Variants in REEP3 observed in about 807,000 individuals in gnomAD.
The protein encoded by REEP3 is receptor expression-enhancing protein 3.
Under a neutral mutation model 41.3 loss-of-function variants are expected in REEP3, and 20 were observed. The ratio of observed to expected loss-of-function variants is 0.48; its 90% CI spans 0.34 to 0.70. The LOEUF (loss-of-function observed/expected upper bound fraction) is 0.70. REEP3 is among the 30% of genes least tolerant of loss of function. REEP3 has a pLI of 0.01. For synonymous variants in REEP3, 104 were observed against 101.8 expected (o/e 1.02, Z -0.13); for missense variants, 271 against 308.8 (o/e 0.88, Z 0.92).
intron 2 of REEP3, among the ~76,000 whole-genome samples, chr10:63,578,290 G>A (rs542338331): frequency 5.9e-5 from 9 of 151,942 alleles, no homozygotes; most frequent in Admixed American, 2.6e-4. Flanking sequence ...AGTAGAGACG[G>A]GGTTTCACCA....
At chr10:63,531,229 T>G (rs2133340619) in intron 1 of REEP3, among the ~76,000 whole-genome samples, 1 of 152,362 alleles carries the variant, frequency 6.6e-6, no homozygotes, top group East Asian at 1.9e-4. Flanking sequence ...GAATGTTATA[T>G]AGCCATTCAT....
Position 63,623,948 on chromosome 10 carries a change from T to C in REEP3, c.*3079T>C, listed in dbSNP as rs1242940321. On this transcript the variant is annotated 3_prime_UTR_variant, in exon 8 of 8. Coordinates refer to ENST00000373758, the MANE Select transcript of REEP3 (RefSeq NM_001001330.3). ...TACAGTGTTATAAAGTATATAAATA[T>C]TCCAAATTTCTGTGGTTAAATATTT... 1 of 153,222 alleles carries C rather than the reference T, an allele frequency of 6.5e-6. No individual in the cohort carries two copies. Among genetic ancestry groups the C allele is most frequent in the African/African-American group, 2.4e-5 (1 of 41,490 alleles). 9.5% of individuals were successfully genotyped at this position (153,222 alleles called of 1,614,324 possible). A position where few individuals can be genotyped will look rare whatever the true frequency, so the allele number is the denominator to read the frequency against.
At chr10:63,521,853 G>T in intron 1 of REEP3, 1 of 116,936 alleles carries the variant, frequency 8.6e-6, no homozygotes. Context: ...GTGCGGCGCG[G>T]CGCCCCTGCT....
At chr10:63,529,143 C>A (rs1305614915) in intron 1 of REEP3, among the ~76,000 whole-genome samples, 1 of 152,182 alleles carries the variant, frequency 6.6e-6, no homozygotes, top group Non-Finnish European at 1.5e-5. Context: ...TCCTCCAGAG[C>A]TTATTTCACA....
chr10:63,549,261 G>C (rs1333660729), intron 1 of REEP3, among the ~76,000 whole-genome samples: 1 of 152,224 alleles, frequency 6.6e-6, no homozygotes, highest in Non-Finnish European at 1.5e-5. Flanking sequence ...GAGGTGTGGA[G>C]TGGGGAGAGA....
chr10:63,589,747 G>C (rs990934394), intron 2 of REEP3, among the ~76,000 whole-genome samples: 5 of 149,030 alleles, frequency 3.4e-5, no homozygotes, highest in Non-Finnish European at 7.4e-5. Flanking sequence ...CCCATACTGG[G>C]AGCTAGGACG....
chr10:63,620,785 C>T, intron 7 of REEP3, 28 bp from the exon 8 acceptor site: 1 of 1,485,356 alleles, frequency 6.7e-7, no homozygotes, highest in Non-Finnish European at 9.2e-7. Flanking sequence ...TCATCTAATT[C>T]TTAATAATAA....
chr10:63,522,243 G>C (rs1220128559), intron 1 of REEP3, among the ~76,000 whole-genome samples: 1 of 151,560 alleles, frequency 6.6e-6, no homozygotes, highest in African/African-American at 2.4e-5. Context: ...TGCTCGCCCA[G>C]ATCCCCGAAT....
At chr10:63,568,324 T>A in intron 2 of REEP3, among the ~76,000 whole-genome samples, 1 of 151,262 alleles carries the variant, frequency 6.6e-6, no homozygotes, top group South Asian at 2.1e-4. Flanking sequence ...CGGAGTGCAC[T>A]GGCGCGATCT....
rs1408195823 is a variant in REEP3 at position 63,556,630 on chromosome 10, T to G, written c.33-9708T>G. On this transcript the variant is annotated intron_variant, in intron 1 of 7. Coordinates refer to ENST00000373758, the MANE Select transcript of REEP3 (RefSeq NM_001001330.3). ...TGTTTGCTTGTTTTTTTTTTTGTTG[T>G]TTTGTTTTTTTTTTTTTTTTTTTGA... Among the ~76,000 whole-genome samples the G allele has an allele frequency of 3.8e-4, 13 of 34,434 alleles. 1 individual carries two copies. Among genetic ancestry groups the G allele is most frequent in the African/African-American group, 1.1e-3 (12 of 11,384 alleles). 22.6% of individuals were successfully genotyped at this position (34,434 alleles called of 152,430 possible). A position where few individuals can be genotyped will look rare whatever the true frequency, so the allele number is the denominator to read the frequency against.
At chr10:63,601,027 G>A (rs918607055) in intron 5 of REEP3, among the ~76,000 whole-genome samples, 5 of 151,836 alleles carry the variant, frequency 3.3e-5, no homozygotes, top group Admixed American at 6.6e-5. Flanking sequence ...GTGGGGGGGC[G>A]CCTGTAATCC....
chr10:63,523,416 T>C (rs1355585609), intron 1 of REEP3, among the ~76,000 whole-genome samples: 1 of 152,164 alleles, frequency 6.6e-6, no homozygotes, highest in Non-Finnish European at 1.5e-5. Context: ...GAAGATTGTT[T>C]GATCACAAGA....
At chr10:63,564,558 G>C (rs1190572757) in intron 1 of REEP3, among the ~76,000 whole-genome samples, 1 of 152,038 alleles carries the variant, frequency 6.6e-6, no homozygotes, top group Non-Finnish European at 1.5e-5. Context: ...GGGAGACGGA[G>C]GCTGCAGTGA....
rs557044785 is a variant in REEP3, at chr10:63,598,783, CA to C, written c.304-371del. Among the ~76,000 whole-genome samples, 284 of 117,316 alleles carry C rather than the reference CA, an allele frequency of 2.4e-3. 1 individual carries two copies. Among genetic ancestry groups the C allele is most frequent in the African/African-American group, 5.1e-3 (156 of 30,582 alleles). 77.0% of individuals were successfully genotyped at this position (117,316 alleles called of 152,430 possible). A position where few individuals can be genotyped will look rare whatever the true frequency, so the allele number is the denominator to read the frequency against. On this transcript the variant is annotated intron_variant, in intron 4 of 7. Transcript: ENST00000373758. ...TGGACAAGAGAGCGAGACTCCATCTCAAAAAAAAAAAAAAAAGAAGCGCCTG... is the reference window on the plus strand; with the variant it reads ...TGGACAAGAGAGCGAGACTCCATCTCAAAAAAAAAAAAAAAGAAGCGCCTG...
chr10:63,585,923 C>A (rs1014038704), intron 2 of REEP3, among the ~76,000 whole-genome samples: 13 of 152,130 alleles, frequency 8.5e-5, no homozygotes, highest in Admixed American at 3.3e-4. Context: ...TTTACAATTG[C>A]AGCTTACTTT....
rs1956349576 is a variant in REEP3, at chr10:63,620,993, A to G, written c.*124A>G. On this transcript the variant is annotated 3_prime_UTR_variant, in exon 8 of 8. Coordinates refer to ENST00000373758, the MANE Select transcript of REEP3 (RefSeq NM_001001330.3). ...TTAAATTGTGGCAGTGATGGGGTTT[A>G]CTTTCATGAATTTAAATTGTTTTTA... The G allele has an allele frequency of 1.8e-6, 1 of 555,550 alleles. No individual in the cohort carries two copies. The highest frequency in any genetic ancestry group is 1.9e-5 in the African/African-American group (1 of 52,036). The allele number at this position is 555,550 out of a possible 1,614,324, so 34.4% of individuals were successfully genotyped here.
intron 5 of REEP3, among the ~76,000 whole-genome samples, chr10:63,603,023 C>A (rs1328843716): frequency 6.6e-6 from 1 of 151,964 alleles, no homozygotes; most frequent in African/African-American, 2.4e-5. Context: ...TTGATAAGAC[C>A]CCACCCATGG....
At chr10:63,579,864 G>C (rs970450775) in intron 2 of REEP3, among the ~76,000 whole-genome samples, 2 of 152,092 alleles carry the variant, frequency 1.3e-5, no homozygotes, top group East Asian at 3.9e-4. Flanking sequence ...AACCATAAAA[G>C]CTACAATAAC....
intron 2 of REEP3, among the ~76,000 whole-genome samples, chr10:63,572,925 A>G (rs1437460566): frequency 1.3e-5 from 2 of 152,236 alleles, no homozygotes; most frequent in African/African-American, 4.8e-5. Flanking sequence ...GGATTGATCT[A>G]GTTTACCAGC....
Sources: allele counts gnomAD v4.1 joint callset (sites outside exome capture counted in the v4.1 genomes callset), GRCh38; gene constraint gnomAD v4.1.1; transcripts MANE v1.5; gene names NCBI Gene and HGNC (gene_info 2026-07-23, HGNC 2026-07-21).